Variants in WDTC1 observed in about 807,000 individuals in gnomAD.
The protein encoded by WDTC1 is WD and tetratricopeptide repeats 1, also known as WD and tetratricopeptide repeats protein 1.
A neutral mutation model predicts 76.0 loss-of-function variants in WDTC1; 12 were observed. The ratio of observed to expected loss-of-function variants is 0.16; its 90% CI spans 0.10 to 0.26. The LOEUF is 0.26. WDTC1 is among the 10% of genes least tolerant of loss of function. The pLI, the probability that WDTC1 is intolerant of heterozygous loss-of-function variation, is 1.00. For synonymous variants in WDTC1, 326 were observed against 350.8 expected (o/e 0.93, Z 0.79); for missense variants, 511 against 908.8 (o/e 0.56, Z 5.63).
At chr1:27,288,129 CA>C (rs1385760172) in intron 6 of WDTC1, among the ~76,000 whole-genome samples, 1 of 152,118 alleles carries the variant, frequency 6.6e-6, no homozygotes, top group Admixed American at 6.6e-5. Context: ...TGCCTCTGGG[CA>C]TTCACGTTAC....
intron 8 of WDTC1, 72 bp from the exon 9 acceptor site, chr1:27,294,442 A>T: frequency 7.3e-7 from 1 of 1,374,680 alleles, no homozygotes; most frequent in Non-Finnish European, 1.0e-6. Context: ...TTTTGATATG[A>T]CTGACTTCAC....
Position 27,305,291 on chromosome 1 carries a change from G to A in WDTC1, c.1836+98G>A. On this transcript the variant is annotated intron_variant, in intron 15 of 15. Coordinates refer to ENST00000319394, the MANE Select transcript of WDTC1 (RefSeq NM_001276252.2). The surrounding 1 kb of genome is among the most constrained non-coding windows in gnomAD (Gnocchi z 4.6). ...GGGAAGAGAAATGAGCCACCCAGAG[G>A]CTAGAAGCTGCTAAGTAAGCCTTAC... is the stretch of plus-strand genomic sequence containing the variant. 7.2e-7 allele frequency: 1 copy of A among 1,395,216 alleles called. No individual in the cohort carries two copies. Among genetic ancestry groups the A allele is most frequent in the Non-Finnish European group, 9.5e-7 (1 of 1,052,884 alleles). 86.4% of individuals were successfully genotyped at this position (1,395,216 alleles called of 1,614,324 possible).
chr1:27,256,886 G>A (rs530637657), intron 1 of WDTC1, among the ~76,000 whole-genome samples: 44 of 151,876 alleles, frequency 2.9e-4, no homozygotes, highest in Non-Finnish European at 5.4e-4. Context: ...TTTTGAGATG[G>A]AGTCTCACTC....
At chr1:27,241,383 T>A (rs2011627562) in intron 1 of WDTC1, among the ~76,000 whole-genome samples, 1 of 152,138 alleles carries the variant, frequency 6.6e-6, no homozygotes, top group South Asian at 2.1e-4. Context: ...ATAAAACTGC[T>A]TATCCTTGAA....
At chr1:27,261,168 A>G in intron 2 of WDTC1, 66 bp downstream of exon 2, 1 of 1,595,798 alleles carries the variant, frequency 6.3e-7, no homozygotes, top group South Asian at 1.1e-5. Flanking sequence ...GATTTTACAG[A>G]TGAAAAAACT....
At chr1:27,249,928 C>G (rs532961298) in intron 1 of WDTC1, among the ~76,000 whole-genome samples, 26 of 152,216 alleles carry the variant, frequency 1.7e-4, no homozygotes, top group African/African-American at 6.3e-4. Flanking sequence ...TCACTTTTAA[C>G]AACGTCACGA....
chr1:27,271,723 C>T (rs986081410), intron 3 of WDTC1, among the ~76,000 whole-genome samples: 3 of 150,338 alleles, frequency 2.0e-5, no homozygotes, highest in East Asian at 2.0e-4. Flanking sequence ...CCACAGCCTC[C>T]GCCTCCTGGG....
chr1:27,306,070 G>A lies in WDTC1; in HGVS notation c.1837-116G>A. On this transcript the variant is annotated intron_variant, in intron 15 of 15. Transcript: ENST00000319394. This position sits in a 1 kb window ranked among gnomAD's most constrained non-coding sequence, Gnocchi z 5.0. ...CATATACACCTCCTGGCATGTATGT[G>A]TACCTCCCCCTATAGATAGTTTAGT... 2.5e-6 allele frequency: 3 copies of A among 1,178,904 alleles called. No homozygotes were observed. The highest frequency in any genetic ancestry group is 3.6e-6 in the Non-Finnish European group (3 of 827,636). The allele number at this position is 1,178,904 out of a possible 1,614,324, so 73.0% of individuals were successfully genotyped here.
At chr1:27,293,260 G>A (rs1370779102) in intron 7 of WDTC1, among the ~76,000 whole-genome samples, 2 of 147,922 alleles carry the variant, frequency 1.4e-5, no homozygotes, top group East Asian at 2.0e-4. Flanking sequence ...GTGAAACCCC[G>A]TCTCTACTAA....
intron 1 of WDTC1, among the ~76,000 whole-genome samples, chr1:27,250,186 T>C (rs537134543): frequency 9.0e-4 from 137 of 152,288 alleles, no homozygotes; most frequent in Middle Eastern, 3.4e-3. Context: ...GTTATGTACT[T>C]TCTTTTTTTC....
intron 3 of WDTC1, among the ~76,000 whole-genome samples, chr1:27,272,258 AT>A (rs1034340595): frequency 7.4e-5 from 11 of 149,168 alleles, no homozygotes; most frequent in Non-Finnish European, 1.2e-4. Flanking sequence ...AAAAAAAAAA[AT>A]TTTTTTTTTA....
At chr1:27,236,403 G>C (rs2011490708) in intron 1 of WDTC1, among the ~76,000 whole-genome samples, 1 of 152,152 alleles carries the variant, frequency 6.6e-6, no homozygotes, top group Non-Finnish European at 1.5e-5. Flanking sequence ...CTGGAGTCCT[G>C]CTCTCCTTTC....
intron 7 of WDTC1, 52 bp downstream of exon 7, chr1:27,292,449 A>T: frequency 6.9e-7 from 1 of 1,451,908 alleles, no homozygotes; most frequent in African/African-American, 1.4e-5. Flanking sequence ...CAGAGAACCT[A>T]CTGCCCCTTT....
intron 1 of WDTC1, among the ~76,000 whole-genome samples, chr1:27,255,727 C>A (rs548404332): frequency 6.6e-6 from 1 of 152,236 alleles, no homozygotes; most frequent in South Asian, 2.1e-4. Flanking sequence ...CTCCACCACA[C>A]GCAGCTAATT....
intron 1 of WDTC1, among the ~76,000 whole-genome samples, chr1:27,251,644 C>G (rs1268771662): frequency 6.6e-6 from 1 of 152,024 alleles, no homozygotes; most frequent in South Asian, 2.1e-4. Flanking sequence ...GGCAACATAG[C>G]AAGACCCTGA....
intron 3 of WDTC1, among the ~76,000 whole-genome samples, chr1:27,279,598 G>A (rs2013134157): frequency 6.6e-6 from 1 of 152,034 alleles, no homozygotes; most frequent in Non-Finnish European, 1.5e-5. Flanking sequence ...ACAGAGCCTT[G>A]CTCTGTTGCC....
At chr1:27,248,651 T>A (rs2011930961) in intron 1 of WDTC1, among the ~76,000 whole-genome samples, 1 of 152,190 alleles carries the variant, frequency 6.6e-6, no homozygotes, top group Admixed American at 6.6e-5. Context: ...GAATTTCACT[T>A]AAAAACTTTT....
chr1:27,235,184 G>A (rs925367866), intron 1 of WDTC1, among the ~76,000 whole-genome samples: 3 of 152,142 alleles, frequency 2.0e-5, no homozygotes, highest in Non-Finnish European at 4.4e-5. Flanking sequence ...CGGGACGCGG[G>A]GGGAGGCTGT....
rs2013952737 is a variant in WDTC1, at chr1:27,306,284, C to T, written c.1935C>T (p.Leu645=). 1.2e-6 allele frequency: 2 copies of T among 1,614,104 alleles called. No homozygotes were observed. Among genetic ancestry groups the T allele is most frequent in the Non-Finnish European group, 1.7e-6 (2 of 1,180,026 alleles). The part of the protein sequence containing the change: ...MNADPLEVML[L]NMGYRITGLS... ...CAGACCCGTTGGAGGTGATGCTGCT[C>T]AACATGGGCTACCGGATCACGGGCC... The change falls in exon 16 of 16, where the codon CTC becomes CTT. Residue 645 remains leucine (L), a synonymous_variant. Coordinates refer to ENST00000319394, the MANE Select transcript of WDTC1 (RefSeq NM_001276252.2). The surrounding 1 kb of genome is among the most constrained non-coding windows in gnomAD (Gnocchi z 5.0).
Sources: gnomAD v4.1 joint callset for allele counts (sites outside exome capture counted in the v4.1 genomes callset) on GRCh38, gnomAD v4.1.1 for gene constraint, Gnocchi (gnomAD v3.1) non-coding constraint, MANE v1.5 for transcripts, NCBI Gene and HGNC (gene_info 2026-07-23, HGNC 2026-07-21) for gene names.